The following CNTNAP5 variants were observed in gnomAD, a reference collection of about 807,000 sequenced individuals.
CNTNAP5 encodes contactin-associated protein-like 5.
Under a neutral mutation model 150.2 loss-of-function variants are expected in CNTNAP5, and 72 were observed. The ratio of observed to expected loss-of-function variants is 0.48; its 90% CI spans 0.40 to 0.58. The LOEUF is 0.58. Ranked by LOEUF, CNTNAP5 falls within the 20% of genes least tolerant of loss-of-function variation. The pLI, the probability that CNTNAP5 is intolerant of heterozygous loss-of-function variation, is 0.00. For synonymous variants in CNTNAP5, 672 were observed against 619.8 expected, an observed-to-expected ratio of 1.08 and a Z score of -1.25; for missense variants, 1,636 against 1,626.2, an observed-to-expected ratio of 1.01 and a Z score of -0.10.
intron 1 of CNTNAP5, among the ~76,000 whole-genome samples, chr2:124,145,836 A>AAAAAAAAAAAAAAAAAAAAAAAAAG (rs1684235848): frequency 1.3e-5 from 1 of 75,802 alleles, no homozygotes; most frequent in Non-Finnish European, 2.5e-5. Flanking sequence ...AAAGAAGAAA[A>AAAAAAAAAAAAAAAAAAAAAAAAAG]AAAAAAAAAA....
chr2:124,326,008 A>G (rs1328534270), intron 3 of CNTNAP5, among the ~76,000 whole-genome samples: 1 of 152,220 alleles, frequency 6.6e-6, no homozygotes, highest in Non-Finnish European at 1.5e-5. Flanking sequence ...GGCTGCAACA[A>G]TGAAGACATG....
chr2:124,547,041 T>C (rs1695527762), intron 10 of CNTNAP5, among the ~76,000 whole-genome samples: 2 of 152,130 alleles, frequency 1.3e-5, no homozygotes, highest in Non-Finnish European at 2.9e-5. Context: ...GAGCAGAATC[T>C]CTCTGTCTTT....
chr2:124,160,676 G>A (rs1684654539), intron 1 of CNTNAP5, among the ~76,000 whole-genome samples: 1 of 152,132 alleles, frequency 6.6e-6, no homozygotes, highest in South Asian at 2.1e-4. Context: ...ACATAATGCA[G>A]TTTTGAAGCA....
At position 124,607,487 on chromosome 2, in the gene CNTNAP5, A is replaced by G. The variant is rs192778185; in HGVS notation, c.1757-2314A>G. Among the ~76,000 whole-genome samples, 440 of 152,230 alleles carry G rather than the reference A, an allele frequency of 2.9e-3. 2 individuals carry two copies. Among genetic ancestry groups the G allele is most frequent in the African/African-American group, 1.0e-2 (415 of 41,542 alleles). ...GAAATGGTATCTACCACACTATCAT[A>G]TTCTATTTGTTAGAGCAAGCCAGTA... On this transcript the variant is annotated intron_variant, in intron 11 of 23. Coordinates refer to ENST00000682447, the MANE Select transcript of CNTNAP5 (RefSeq NM_001367498.1).
At chr2:124,581,117 A>G (rs976470621) in intron 11 of CNTNAP5, among the ~76,000 whole-genome samples, 6 of 152,164 alleles carry the variant, frequency 3.9e-5, no homozygotes, top group African/African-American at 1.4e-4. Flanking sequence ...GTGGATCACA[A>G]TGAAGTATCT....
chr2:124,093,603 T>C (rs976195492), intron 1 of CNTNAP5, among the ~76,000 whole-genome samples: 2 of 152,162 alleles, frequency 1.3e-5, no homozygotes, highest in South Asian at 4.2e-4. Context: ...CATAGTCATA[T>C]TAAAAAATAA....
At chr2:124,229,716 C>T (rs1686565221) in intron 2 of CNTNAP5, among the ~76,000 whole-genome samples, 1 of 151,738 alleles carries the variant, frequency 6.6e-6, no homozygotes. Context: ...CAGAGAAAGA[C>T]TTACTGTCCG....
In CNTNAP5 at chr2:124,660,055, G is replaced by A. The variant is rs943758377; in HGVS notation, c.2077+12097G>A. On this transcript the variant is annotated intron_variant, in intron 13 of 23. Transcript: ENST00000682447. ...GGAAGGAAGGAAGAAAGGAAGGAAG[G>A]AAGGAAGGAAGGAAGGAAGGAAGGA... Among the ~76,000 whole-genome samples the A allele has an allele frequency of 6.2e-3, 936 of 150,628 alleles. 7 individuals are homozygous for A. The highest frequency in any genetic ancestry group is 0.01 in the Middle Eastern group (3 of 294).
intron 1 of CNTNAP5, among the ~76,000 whole-genome samples, chr2:124,192,141 G>A (rs868153536): frequency 6.6e-6 from 1 of 152,096 alleles, no homozygotes. Context: ...CCCCTGCTCT[G>A]GCCCTGGGAT....
chr2:124,905,615 C>T (rs1409593931), intron 22 of CNTNAP5, among the ~76,000 whole-genome samples: 8 of 151,962 alleles, frequency 5.3e-5, no homozygotes, highest in Admixed American at 2.0e-4. Flanking sequence ...GAGATGATTG[C>T]CTTTGAAAGA....
chr2:124,537,326 TG>T (rs1481579689), intron 10 of CNTNAP5, among the ~76,000 whole-genome samples: 1 of 152,164 alleles, frequency 6.6e-6, no homozygotes, highest in African/African-American at 2.4e-5. Flanking sequence ...GATGCATTTT[TG>T]TCTTGCATTA....
intron 13 of CNTNAP5, among the ~76,000 whole-genome samples, chr2:124,692,879 G>A (rs1039736438): frequency 6.6e-6 from 1 of 152,088 alleles, no homozygotes; most frequent in Non-Finnish European, 1.5e-5. Context: ...GAAGGTCCTG[G>A]CTGATGAGTT....
chr2:124,188,353 T>C (rs1685379540), intron 1 of CNTNAP5, among the ~76,000 whole-genome samples: 2 of 152,182 alleles, frequency 1.3e-5, no homozygotes, highest in Non-Finnish European at 2.9e-5. Context: ...AATCAAGTCC[T>C]TTAACAAAAC....
At chr2:124,119,116 T>G (rs892519069) in intron 1 of CNTNAP5, among the ~76,000 whole-genome samples, 1 of 152,174 alleles carries the variant, frequency 6.6e-6, no homozygotes, top group African/African-American at 2.4e-5. Flanking sequence ...AGGCTGACTT[T>G]TCCTGCCATT....
intron 13 of CNTNAP5, among the ~76,000 whole-genome samples, chr2:124,670,058 T>C (rs964915415): frequency 1.3e-5 from 2 of 152,068 alleles, no homozygotes; most frequent in Non-Finnish European, 2.9e-5. Flanking sequence ...AGACCTTCCA[T>C]GTTCTGGAGG....
chr2:124,427,766 T>C (rs7594114), intron 4 of CNTNAP5, among the ~76,000 whole-genome samples: 2 of 152,018 alleles, frequency 1.3e-5, no homozygotes, highest in African/African-American at 4.8e-5. Context: ...CAAACCCATA[T>C]TATTTTATTT....
chr2:124,607,674 C>A (rs1677280952), intron 11 of CNTNAP5, among the ~76,000 whole-genome samples: 1 of 152,162 alleles, frequency 6.6e-6, no homozygotes, highest in Non-Finnish European at 1.5e-5. Context: ...CAGGAAAAAC[C>A]ACCCATTCTG....
chr2:124,836,342 T>C (rs1481930062), intron 19 of CNTNAP5, among the ~76,000 whole-genome samples: 2 of 152,168 alleles, frequency 1.3e-5, no homozygotes, highest in Non-Finnish European at 2.9e-5. Flanking sequence ...ATTGATATCA[T>C]AATGTCATCT....
intron 3 of CNTNAP5, among the ~76,000 whole-genome samples, chr2:124,366,511 AGT>A (rs1327469490): frequency 6.6e-6 from 1 of 152,206 alleles, no homozygotes; most frequent in Non-Finnish European, 1.5e-5. Flanking sequence ...TTCCAAGTGC[AGT>A]GTCCTTTAAA....
Sources: gnomAD v4.1 joint callset for allele counts (sites outside exome capture counted in the v4.1 genomes callset) on GRCh38, gnomAD v4.1.1 for gene constraint, MANE v1.5 for transcripts, NCBI Gene and HGNC (gene_info 2026-07-23, HGNC 2026-07-21) for gene names.